The following PELO variants were observed in gnomAD, a reference collection of about 807,000 sequenced individuals.
PELO encodes the protein pelota mRNA surveillance and ribosome rescue factor.
In PELO, 19 loss-of-function variants were observed where a neutral mutation model predicts 25.9. The ratio of observed to expected loss-of-function variants is 0.73; its 90% CI spans 0.51 to 1.08. PELO has a LOEUF of 1.08. PELO is among the 50% of genes least tolerant of loss of function. The pLI, the probability that PELO is intolerant of heterozygous loss-of-function variation, is 0.00. For synonymous variants in PELO, 196 were observed against 192.2 expected (o/e 1.02, Z -0.16); for missense variants, 498 against 491.4 (o/e 1.01, Z -0.13).
Position 52,800,388 on chromosome 5 carries a change from C to T in PELO, c.-7C>T. 6.2e-7 allele frequency: 1 copy of T among 1,613,734 alleles called. No individual in the cohort carries two copies. Among genetic ancestry groups the T allele is most frequent in the Non-Finnish European group, 8.5e-7 (1 of 1,179,994 alleles). On this transcript the variant is annotated 5_prime_UTR_variant, in exon 2 of 3. Transcript: ENST00000274311. Reference sequence around the variant, plus strand: ...TTTGGTTCTGTCAGTGAGCCCCTTCCTTGGCCATGAAGCTCGTGAGGAAGA... The same window carrying T: ...TTTGGTTCTGTCAGTGAGCCCCTTCTTTGGCCATGAAGCTCGTGAGGAAGA...
Position 52,801,376 on chromosome 5 carries a change from T to G in PELO, c.727-33T>G, listed in dbSNP as rs983095941. On this transcript the variant is annotated intron_variant, in intron 2 of 2. Coordinates refer to ENST00000274311, the MANE Select transcript of PELO (RefSeq NM_015946.5). ...CTGATTAATGGGTGTTCTAGGAGATTATTTTGCCTAACTTTTGTAATTGTG... is the reference window on the plus strand; with the variant it reads ...CTGATTAATGGGTGTTCTAGGAGATGATTTTGCCTAACTTTTGTAATTGTG... The G allele has an allele frequency of 1.3e-5, 20 of 1,555,720 alleles. No homozygotes were observed. The Admixed American group carries it at 2.2e-4, about 17-fold the overall frequency.
chr5:52,789,442 T>G (rs939271854), intron 1 of PELO, among the ~76,000 whole-genome samples: 2 of 152,224 alleles, frequency 1.3e-5, no homozygotes, highest in African/African-American at 4.8e-5. Context: ...GCCAGCTAGT[T>G]TAGACCTGCC....
At chr5:52,795,673 C>T (rs961609043) in intron 1 of PELO, among the ~76,000 whole-genome samples, 4 of 151,834 alleles carry the variant, frequency 2.6e-5, no homozygotes, top group Non-Finnish European at 5.9e-5. Context: ...TAATTATGAT[C>T]ATGTTAAAAT....
rs1748511182 is a variant in PELO, at chr5:52,802,570, A to G, written c.*730A>G. 6.6e-6 allele frequency: 1 copy of G among 152,176 alleles called. No homozygotes were observed. Among genetic ancestry groups the G allele is most frequent in the Non-Finnish European group, 1.5e-5 (1 of 68,020 alleles). The allele number at this position is 152,176 out of a possible 1,614,324, so 9.4% of individuals were successfully genotyped here. On this transcript the variant is annotated 3_prime_UTR_variant, in exon 3 of 3. Transcript: ENST00000274311. ...AAAATAATCTCCTTGAGGCATCTTT[A>G]TTTTTAAAATGAGATTAAAGTATGT...
rs1748454085 is a variant in PELO at position 52,800,609 on chromosome 5, T to C, written c.215T>C (p.Ile72Thr). The change falls in exon 2 of 3, where the codon ATC becomes ACC. Residue 72 changes from isoleucine (I) to threonine (T), a missense_variant. Physicochemically the swap from Ile to Thr is moderately conservative, Grantham distance 89. Coordinates refer to ENST00000274311, the MANE Select transcript of PELO (RefSeq NM_015946.5). The part of the protein sequence containing the change: ...RTTLTLCVEA[I>T]DFDSQACQLR... The stretch of plus-strand genomic sequence containing the variant: ...ACCCTCACTCTCTGCGTGGAGGCCA[T>C]CGACTTCGACTCTCAAGCCTGCCAG... The C allele has an allele frequency of 1.9e-6, 3 of 1,613,706 alleles. No homozygotes were observed. In the African/African-American group the frequency reaches 4.0e-5, roughly 22 times the overall value.
intron 1 of PELO, among the ~76,000 whole-genome samples, chr5:52,792,059 T>C (rs531731842): frequency 6.6e-6 from 1 of 152,348 alleles, no homozygotes; most frequent in Non-Finnish European, 1.5e-5. Context: ...GTCAATCTTT[T>C]ATTTCCATGA....
intron 1 of PELO, among the ~76,000 whole-genome samples, chr5:52,799,006 C>T (rs1170452370): frequency 6.6e-6 from 1 of 152,148 alleles, no homozygotes; most frequent in East Asian, 1.9e-4. Context: ...TTTCCTTCCA[C>T]ACGCCTATGC....
chr5:52,796,038 T>TGAGATTA (rs1748335599), intron 1 of PELO, among the ~76,000 whole-genome samples: 1 of 151,892 alleles, frequency 6.6e-6, no homozygotes, highest in Non-Finnish European at 1.5e-5. Flanking sequence ...AACAAATATG[T>TGAGATTA]TAGGATGAGA....
rs767825694 is a variant in PELO at position 52,800,456 on chromosome 5, A to G, written c.62A>G (p.Glu21Gly). Residue 21 changes from glutamate to glycine, a missense_variant, in exon 2 of 3, where the codon GAG (glutamate) becomes GGG (glycine). Transcript: ENST00000274311. ...GCGGGCCAGGTGACCCTGGTCCCCG[A>G]GGAGCCTGAGGACATGTGGCACACT... ...DNAGQVTLVP[E>G]EPEDMWHTYN... The G allele has an allele frequency of 2.5e-6, 4 of 1,614,000 alleles. No homozygotes were observed. The highest frequency in any genetic ancestry group is 3.4e-6 in the Non-Finnish European group (4 of 1,179,970).
At position 52,802,242 on chromosome 5, in the gene PELO, T is replaced by A. The variant is rs1237784222; in HGVS notation, c.*402T>A. 2 of 156,064 alleles carry A rather than the reference T, an allele frequency of 1.3e-5. No homozygotes were observed. Among genetic ancestry groups the A allele is most frequent in the African/African-American group, 4.8e-5 (2 of 41,524 alleles). The allele number at this position is 156,064 out of a possible 1,614,324, so 9.7% of individuals were successfully genotyped here. On this transcript the variant is annotated 3_prime_UTR_variant, in exon 3 of 3. Coordinates refer to ENST00000274311, the MANE Select transcript of PELO (RefSeq NM_015946.5). ...GCTATCTTATCCTGTTTACATTATT[T>A]CTTTATTTTAATTCTGCTTGGTGTT... is the stretch of plus-strand genomic sequence containing the variant.
In PELO at chr5:52,801,880, A is replaced by G. The variant is rs946313926; in HGVS notation, c.*40A>G. 4.1e-6 allele frequency: 6 copies of G among 1,445,908 alleles called. No homozygotes were observed. Among genetic ancestry groups the G allele is most frequent in the Non-Finnish European group, 5.6e-6 (6 of 1,063,710 alleles). The allele number at this position is 1,445,908 out of a possible 1,614,324, so 89.6% of individuals were successfully genotyped here. A position where few individuals can be genotyped will look rare whatever the true frequency, so the allele number is the denominator to read the frequency against. Reference sequence around the variant, plus strand: ...AATTGAGACAATCTTGTGTTTCCTAAACTGTTACAGTACATTTCTCAGCAT... The same window carrying G: ...AATTGAGACAATCTTGTGTTTCCTAGACTGTTACAGTACATTTCTCAGCAT... On this transcript the variant is annotated 3_prime_UTR_variant, in exon 3 of 3. Transcript: ENST00000274311.
At position 52,802,608 on chromosome 5, in the gene PELO, A is replaced by T. The variant is rs1236645053; in HGVS notation, c.*768A>T. ...GATTAAAGTATGTGATTTGCTTGTT[A>T]TGTGGCTAATTAGTGGCAAAGCTGG... On this transcript the variant is annotated 3_prime_UTR_variant, in exon 3 of 3. Coordinates refer to ENST00000274311, the MANE Select transcript of PELO (RefSeq NM_015946.5). 5.3e-5 allele frequency: 8 copies of T among 152,192 alleles called. No homozygotes were observed. The highest frequency in any genetic ancestry group is 5.2e-4 in the Admixed American group (8 of 15,280). The allele number at this position is 152,192 out of a possible 1,614,324, so 9.4% of individuals were successfully genotyped here. A position where few individuals can be genotyped will look rare whatever the true frequency, so the allele number is the denominator to read the frequency against.
intron 1 of PELO, among the ~76,000 whole-genome samples, chr5:52,799,576 G>T (rs577802135): frequency 2.6e-5 from 4 of 152,314 alleles, no homozygotes; most frequent in African/African-American, 9.6e-5. Flanking sequence ...GAATCAGATC[G>T]TGCAGACACG....
Position 52,800,308 on chromosome 5 carries a change from T to G in PELO, c.-87T>G. The G allele has an allele frequency of 6.7e-7, 1 of 1,483,884 alleles. No homozygotes were observed. Among genetic ancestry groups the G allele is most frequent in the Non-Finnish European group, 9.3e-7 (1 of 1,078,832 alleles). 91.9% of individuals were successfully genotyped at this position (1,483,884 alleles called of 1,614,324 possible). ...TAGAAACCGGGCCCCGCCCCCTTCC[T>G]GGCCTGCATTCCCATCCCCTCTCCC... On this transcript the variant is annotated 5_prime_UTR_variant, in exon 2 of 3. Transcript: ENST00000274311.
At chr5:52,799,252 G>A (rs1349927634) in intron 1 of PELO, among the ~76,000 whole-genome samples, 1 of 152,158 alleles carries the variant, frequency 6.6e-6, no homozygotes, top group Non-Finnish European at 1.5e-5. Context: ...AATAAAGAAT[G>A]CTAAGTAACT....
At chr5:52,790,380 C>T (rs1748215069) in intron 1 of PELO, among the ~76,000 whole-genome samples, 2 of 152,234 alleles carry the variant, frequency 1.3e-5, no homozygotes, top group African/African-American at 2.4e-5. Flanking sequence ...GTTGTAACAA[C>T]TTGCCATAGA....
chr5:52,792,175 C>T (rs1187316719), intron 1 of PELO, among the ~76,000 whole-genome samples: 2 of 152,030 alleles, frequency 1.3e-5, no homozygotes, highest in Non-Finnish European at 2.9e-5. Context: ...GTCTCTCTTC[C>T]CTAGAAACAT....
At chr5:52,792,628 C>A (rs1748264389) in intron 1 of PELO, among the ~76,000 whole-genome samples, 1 of 152,092 alleles carries the variant, frequency 6.6e-6, no homozygotes. Context: ...AATAAACTTC[C>A]CACTAGATTT....
intron 1 of PELO, among the ~76,000 whole-genome samples, chr5:52,794,576 G>A (rs1191127264): frequency 6.7e-6 from 1 of 148,462 alleles, no homozygotes; most frequent in Non-Finnish European, 1.5e-5. Context: ...AGGAGGTTTT[G>A]TATTATTTTG....
Sources: gnomAD v4.1 joint callset for allele counts (sites outside exome capture counted in the v4.1 genomes callset) on GRCh38, gnomAD v4.1.1 for gene constraint, MANE v1.5 for transcripts, NCBI Gene and HGNC (gene_info 2026-07-23, HGNC 2026-07-21) for gene names.